Variants in TRAPPC3L observed in about 807,000 individuals in gnomAD.
The protein encoded by TRAPPC3L is trafficking protein particle complex subunit 3L, also known as trafficking protein particle complex subunit 3-like protein.
Under a neutral mutation model 23.7 loss-of-function variants are expected in TRAPPC3L, and 23 were observed. The observed-to-expected ratio is 0.97, with a 90% CI of 0.70 to 1.37. TRAPPC3L has a LOEUF of 1.37. TRAPPC3L is among the 40% of genes most tolerant of loss of function. The pLI, the probability that TRAPPC3L is intolerant of heterozygous loss-of-function variation, is 0.00. For missense variants in TRAPPC3L, 212 were observed against 216.8 expected (o/e 0.98, Z 0.14); for synonymous variants, 81 against 77.9 (o/e 1.04, Z -0.21).
intron 3 of TRAPPC3L, among the ~76,000 whole-genome samples, chr6:116,536,821 ACTT>A (rs1367473349): frequency 1.3e-5 from 2 of 152,186 alleles, no homozygotes; most frequent in Admixed American, 6.5e-5. Flanking sequence ...ACTACAGTAA[ACTT>A]CTTCTGAACT....
At chr6:116,541,082 G>A (rs568117205) in intron 2 of TRAPPC3L, among the ~76,000 whole-genome samples, 2 of 152,190 alleles carry the variant, frequency 1.3e-5, no homozygotes, top group East Asian at 1.9e-4. Context: ...GGAAGGTATT[G>A]TATTATCTCC....
chr6:116,494,996 G>A lies in TRAPPC3L; in HGVS notation c.*1958C>T, dbSNP rs1227099811. ...TTTTTTTTTTTTTTTTGTAGAGACA[G>A]GGGTCTATGTTACCCAAGCTGGTCT... On this transcript the variant is annotated 3_prime_UTR_variant, in exon 5 of 5. Transcript: ENST00000368602. 2.5e-5 allele frequency: 2 copies of A among 81,026 alleles called. No individual in the cohort carries two copies. The highest frequency in any genetic ancestry group is 1.0e-4 in the African/African-American group (2 of 19,868). 5.0% of individuals were successfully genotyped at this position (81,026 alleles called of 1,614,324 possible).
intron 4 of TRAPPC3L, 127 bp downstream of exon 4, chr6:116,500,354 G>T: frequency 1.2e-6 from 1 of 841,826 alleles, no homozygotes; most frequent in Admixed American, 3.0e-5. Flanking sequence ...CATTTTGGGG[G>T]TAATTTGTAA....
At chr6:116,516,698 TATATATATATAC>T (rs1772234405) in intron 3 of TRAPPC3L, 2 of 133,102 alleles carry the variant, frequency 1.5e-5, no homozygotes, top group Non-Finnish European at 1.5e-5. Context: ...TATATATATA[TATATATATATAC>T]ACACACACAG....
At chr6:116,525,576 T>A (rs548162103) in intron 3 of TRAPPC3L, among the ~76,000 whole-genome samples, 22 of 152,328 alleles carry the variant, frequency 1.4e-4, no homozygotes, top group African/African-American at 5.3e-4. Context: ...TTTTTATAAT[T>A]TTGGGTTTCC....
intron 2 of TRAPPC3L, 51 bp from the exon 3 acceptor site, chr6:116,540,513 G>A (rs754483707): frequency 7.9e-6 from 12 of 1,517,842 alleles, no homozygotes; most frequent in South Asian, 1.2e-5. Flanking sequence ...AATTAGTGAA[G>A]TCTGTCAGTT....
chr6:116,526,993 A>G (rs1772448497), intron 3 of TRAPPC3L, among the ~76,000 whole-genome samples: 1 of 152,190 alleles, frequency 6.6e-6, no homozygotes, highest in South Asian at 2.1e-4. Flanking sequence ...TGTTTCTTAA[A>G]GGCAGGAGAA....
At chr6:116,511,416 A>G in intron 3 of TRAPPC3L, among the ~76,000 whole-genome samples, 1 of 152,248 alleles carries the variant, frequency 6.6e-6, no homozygotes, top group South Asian at 2.1e-4. Context: ...TTTTCAATCC[A>G]AACCACATGG....
intron 2 of TRAPPC3L, among the ~76,000 whole-genome samples, chr6:116,542,628 T>C (rs12199491): frequency 0.56 from 84,407 of 151,918 alleles, 25,083 homozygotes; most frequent in East Asian, 0.89. Flanking sequence ...GATGATCACA[T>C]AGTTACTCAG....
intron 4 of TRAPPC3L, among the ~76,000 whole-genome samples, chr6:116,499,252 T>C (rs910223253): frequency 6.6e-6 from 1 of 152,186 alleles, no homozygotes. Flanking sequence ...TGTTCCATCT[T>C]TTTGATGTTG....
intron 3 of TRAPPC3L, among the ~76,000 whole-genome samples, chr6:116,504,403 G>GA (rs1358795879): frequency 6.6e-6 from 1 of 151,906 alleles, no homozygotes; most frequent in Non-Finnish European, 1.5e-5. Flanking sequence ...CCTACCAACC[G>GA]AAAAAAGTCC....
chr6:116,500,805 C>A lies in TRAPPC3L; in HGVS notation c.241-139G>T, dbSNP rs757627136. On this transcript the variant is annotated intron_variant, in intron 3 of 4. Transcript: ENST00000368602. ...CTATAGTCAGGAAGTCCGGCTTCAC[C>A]CTTAGCTTTGCAATTTATTGATCCT... is the stretch of plus-strand genomic sequence containing the variant. 333 of 741,480 alleles carry A rather than the reference C, an allele frequency of 4.5e-4. 3 individuals carry two copies. The highest frequency in any genetic ancestry group is 2.0e-4 in the South Asian group (12 of 58,844). The allele number at this position is 741,480 out of a possible 1,614,324, so 45.9% of individuals were successfully genotyped here. A position where few individuals can be genotyped will look rare whatever the true frequency, so the allele number is the denominator to read the frequency against.
At chr6:116,512,001 A>G (rs765188812) in intron 3 of TRAPPC3L, 15 of 1,614,048 alleles carry the variant, frequency 9.3e-6, no homozygotes, top group Non-Finnish European at 1.3e-5. Flanking sequence ...GTCCTCGGCC[A>G]GATCACTCTG....
rs1048991751 is a variant in TRAPPC3L, at chr6:116,497,003, A to T, written c.497T>A (p.Ile166Lys). ...LKGDSVTEIG[I>K]TFLKKRDEKK... ...CTCGTCTCGCTTTTTTAGAAATGTT[A>T]TTCCTATTTCTGTCACACTGTCACC... is the stretch of plus-strand genomic sequence containing the variant. The change falls in exon 5 of 5, where the codon ATA becomes AAA. Residue 166 changes from isoleucine to lysine, a missense_variant. Ile to Lys is a moderately radical substitution (Grantham distance 102). Transcript: ENST00000368602. 5 of 1,546,298 alleles carry T rather than the reference A, an allele frequency of 3.2e-6. No individual in the cohort carries two copies. Among genetic ancestry groups the T allele is most frequent in the Non-Finnish European group, 4.4e-6 (5 of 1,145,704 alleles).
intron 3 of TRAPPC3L, among the ~76,000 whole-genome samples, chr6:116,528,251 C>G (rs1188456676): frequency 1.3e-5 from 2 of 152,250 alleles, no homozygotes; most frequent in African/African-American, 4.8e-5. Context: ...TGTTGGAACT[C>G]TGCCATAAAC....
At chr6:116,505,401 C>G (rs1771985728) in intron 3 of TRAPPC3L, among the ~76,000 whole-genome samples, 3 of 152,158 alleles carry the variant, frequency 2.0e-5, no homozygotes, top group Admixed American at 2.0e-4. Flanking sequence ...ATTCCATGCT[C>G]ATGGATAGAA....
intron 3 of TRAPPC3L, chr6:116,516,277 G>T: frequency 3.6e-6 from 1 of 279,058 alleles, no homozygotes; most frequent in Non-Finnish European, 6.7e-6. Flanking sequence ...ACAGACTCAT[G>T]TGAGAGGGCT....
intron 4 of TRAPPC3L, 132 bp from the exon 5 acceptor site, chr6:116,497,205 GGGCCCTTT>G: frequency 8.4e-7 from 1 of 1,186,874 alleles, no homozygotes. Context: ...CGTGGATAAA[GGGCCCTTT>G]ACTGAGTGTC....
chr6:116,527,421 A>G (rs1384683569), intron 3 of TRAPPC3L, among the ~76,000 whole-genome samples: 1 of 149,316 alleles, frequency 6.7e-6, no homozygotes, highest in African/African-American at 2.5e-5. Context: ...AGGCTGAGGC[A>G]GGAGAATGGC....
Sources: gnomAD v4.1 joint callset for allele counts (sites outside exome capture counted in the v4.1 genomes callset) on GRCh38, gnomAD v4.1.1 for gene constraint, MANE v1.5 for transcripts, NCBI Gene and HGNC (gene_info 2026-07-23, HGNC 2026-07-21) for gene names.